Variants in PCP4 observed in about 807,000 individuals in gnomAD.
PCP4 encodes the protein calmodulin regulator protein PCP4.
In PCP4, 8 loss-of-function variants were observed where a neutral mutation model predicts 10.0. That is an observed-to-expected ratio of 0.80 (90% CI 0.47 to 1.45). PCP4 has a LOEUF of 1.45. Ranked by LOEUF, PCP4 falls within the 40% of genes most tolerant of loss-of-function variation. PCP4 has a pLI of 0.00. For synonymous variants in PCP4, 21 were observed against 23.0 expected (o/e 0.91, Z 0.24); for missense variants, 54 against 74.4 (o/e 0.73, Z 1.01).
intron 2 of PCP4, among the ~76,000 whole-genome samples, chr21:39,916,911 G>A (rs2087570979): frequency 6.6e-6 from 1 of 152,160 alleles, no homozygotes; most frequent in South Asian, 2.1e-4. Context: ...ACACATGAAT[G>A]CATGGGGGAG....
chr21:39,901,984 C>T (rs1199198160), intron 2 of PCP4, among the ~76,000 whole-genome samples: 2 of 152,118 alleles, frequency 1.3e-5, no homozygotes, highest in Non-Finnish European at 2.9e-5. Flanking sequence ...ATTTTTTATT[C>T]TTAAATTCCT....
At chr21:39,900,824 AGG>A (rs1281734918) in intron 2 of PCP4, among the ~76,000 whole-genome samples, 1 of 152,068 alleles carries the variant, frequency 6.6e-6, no homozygotes, top group East Asian at 1.9e-4. Context: ...GGTCATTCTC[AGG>A]GTATGCTTAA....
At chr21:39,893,498 T>C (rs1269159338) in intron 1 of PCP4, among the ~76,000 whole-genome samples, 1 of 152,246 alleles carries the variant, frequency 6.6e-6, no homozygotes, top group Non-Finnish European at 1.5e-5. Context: ...TCTGAAGCTG[T>C]GTGAATTGCT....
intron 1 of PCP4, among the ~76,000 whole-genome samples, chr21:39,877,969 T>C (rs1029244699): frequency 6.6e-6 from 1 of 152,140 alleles, no homozygotes; most frequent in Non-Finnish European, 1.5e-5. Context: ...ACAAATTTTG[T>C]AGTCACATTT....
At position 39,907,555 on chromosome 21, in the gene PCP4, G is replaced by T. The variant is rs908748885; in HGVS notation, c.61+9028G>T. 4.6e-5 allele frequency among the ~76,000 whole-genome samples: 7 copies of T among 152,164 alleles called. No homozygotes were observed. The South Asian group carries it at 1.4e-3, about 31-fold the overall frequency. ...CTGCGTGGTGGCTCCCAGCACTTTG[G>T]GAGGCCGAGGTGGGTGGATCACCTG... On this transcript the variant is annotated intron_variant, in intron 2 of 2. Transcript: ENST00000328619.
chr21:39,914,573 C>CAAAAAAAAAAAAAAAAAAA (rs55775259), intron 2 of PCP4, among the ~76,000 whole-genome samples: 1 of 118,962 alleles, frequency 8.4e-6, no homozygotes, highest in Admixed American at 9.4e-5. Flanking sequence ...AGAGCTGTCT[C>CAAAAAAAAAAAAAAAAAAA]AAAAAAAAAA....
intron 2 of PCP4, among the ~76,000 whole-genome samples, chr21:39,900,215 A>G (rs993043851): frequency 6.6e-6 from 1 of 152,004 alleles, no homozygotes; most frequent in Non-Finnish European, 1.5e-5. Context: ...TTGTATTTTT[A>G]GTAGAGACAG....
chr21:39,908,187 A>G (rs1568858862), intron 2 of PCP4, among the ~76,000 whole-genome samples: 1 of 152,220 alleles, frequency 6.6e-6, no homozygotes, highest in Non-Finnish European at 1.5e-5. Flanking sequence ...TGGCTGGCTT[A>G]GTATTTCTAA....
At chr21:39,904,561 A>T (rs2087497299) in intron 2 of PCP4, among the ~76,000 whole-genome samples, 1 of 152,228 alleles carries the variant, frequency 6.6e-6, no homozygotes, top group South Asian at 2.1e-4. Flanking sequence ...GCTCCTGGGC[A>T]CAGGGTGGCT....
chr21:39,912,844 G>A (rs2087547507), intron 2 of PCP4, among the ~76,000 whole-genome samples: 1 of 152,074 alleles, frequency 6.6e-6, no homozygotes, highest in African/African-American at 2.4e-5. Context: ...AGAGTAGCTG[G>A]GACTACAGGT....
In PCP4 at chr21:39,906,018, C is replaced by G. The variant is rs2087506822; in HGVS notation, c.61+7491C>G. Among the ~76,000 whole-genome samples the G allele has an allele frequency of 6.6e-6, 1 of 152,212 alleles. No individual in the cohort carries two copies. The highest frequency in any genetic ancestry group is 1.5e-5 in the Non-Finnish European group (1 of 68,042). On this transcript the variant is annotated intron_variant, in intron 2 of 2. Transcript: ENST00000328619. This position sits in a 1 kb window ranked among gnomAD's most constrained non-coding sequence, Gnocchi z 6.3. ...TGAGCCGAGACCATGCCACTGCACT[C>G]CAACCTGGGTGACAGAGCGAGACTC...
chr21:39,904,758 G>A (rs2087498269), intron 2 of PCP4, among the ~76,000 whole-genome samples: 1 of 152,176 alleles, frequency 6.6e-6, no homozygotes, highest in Non-Finnish European at 1.5e-5. Flanking sequence ...TGCTGTTCCT[G>A]TAGGCCAGAG....
At chr21:39,868,750 C>G (rs192388844) in intron 1 of PCP4, among the ~76,000 whole-genome samples, 2 of 152,318 alleles carry the variant, frequency 1.3e-5, no homozygotes, top group East Asian at 3.9e-4. Flanking sequence ...GAGATGGGAA[C>G]TAAGTGGTTT....
chr21:39,926,573 A>G (rs1568863530), intron 2 of PCP4, among the ~76,000 whole-genome samples: 1 of 152,150 alleles, frequency 6.6e-6, no homozygotes, highest in Non-Finnish European at 1.5e-5. Context: ...AGGATTTGGG[A>G]CTATAAACCA....
intron 2 of PCP4, among the ~76,000 whole-genome samples, chr21:39,907,093 A>G (rs2146342426): frequency 6.6e-6 from 1 of 152,316 alleles, no homozygotes; most frequent in African/African-American, 2.4e-5. Context: ...CATATTAGGT[A>G]CATCTGGGAT....
At chr21:39,925,652 C>T (rs773519790) in intron 2 of PCP4, among the ~76,000 whole-genome samples, 3 of 152,172 alleles carry the variant, frequency 2.0e-5, no homozygotes, top group Non-Finnish European at 4.4e-5. Flanking sequence ...GGAATGTCCT[C>T]TCCTAGGGCT....
At chr21:39,878,602 C>T (rs1408345349) in intron 1 of PCP4, among the ~76,000 whole-genome samples, 1 of 152,188 alleles carries the variant, frequency 6.6e-6, no homozygotes, top group Non-Finnish European at 1.5e-5. Context: ...TGAGGACAGT[C>T]AATTACATTT....
At chr21:39,897,657 G>GA (rs2146337112) in intron 1 of PCP4, among the ~76,000 whole-genome samples, 1 of 152,228 alleles carries the variant, frequency 6.6e-6, no homozygotes, top group East Asian at 1.9e-4. Context: ...CTGGTAAAAT[G>GA]AAAATGCAAA....
chr21:39,882,120 G>A (rs2087378937), intron 1 of PCP4, among the ~76,000 whole-genome samples: 1 of 152,208 alleles, frequency 6.6e-6, no homozygotes, highest in African/African-American at 2.4e-5. Flanking sequence ...GCAAAGAAAG[G>A]AAAACATCTT....
Sources: gnomAD v4.1 joint callset for allele counts (sites outside exome capture counted in the v4.1 genomes callset) on GRCh38, gnomAD v4.1.1 for gene constraint, Gnocchi (gnomAD v3.1) non-coding constraint, MANE v1.5 for transcripts, NCBI Gene and HGNC (gene_info 2026-07-23, HGNC 2026-07-21) for gene names.